Variants in DCBLD2 observed in about 807,000 individuals in gnomAD.
DCBLD2 encodes discoidin, CUB and LCCL domain-containing protein 2.
DCBLD2 carries 54 observed loss-of-function variants against 86.8 expected under a neutral mutation model. The observed-to-expected ratio is 0.62, with a 90% CI of 0.50 to 0.78. DCBLD2 has a LOEUF of 0.78. Ranked by LOEUF, DCBLD2 falls within the 30% of genes least tolerant of loss-of-function variation. The probability of loss-of-function intolerance (pLI) is 0.00; values close to 1 mark genes in which losing one functional copy is unlikely to be tolerated. For synonymous variants in DCBLD2, 354 were observed against 341.3 expected (o/e 1.04, Z -0.41); for missense variants, 908 against 954.2 (o/e 0.95, Z 0.64).
intron 1 of DCBLD2, among the ~76,000 whole-genome samples, chr3:98,898,832 T>C (rs1347469623): frequency 6.6e-6 from 1 of 152,178 alleles, no homozygotes; most frequent in African/African-American, 2.4e-5. Context: ...TCTCAAATAA[T>C]TGTGAGTTTT....
At chr3:98,898,488 G>T (rs1001320212) in intron 1 of DCBLD2, among the ~76,000 whole-genome samples, 1 of 151,090 alleles carries the variant, frequency 6.6e-6, no homozygotes, top group African/African-American at 2.4e-5. Context: ...GACTATATGC[G>T]AATTACAGAA....
chr3:98,874,937 C>T (rs1458939511), intron 2 of DCBLD2, among the ~76,000 whole-genome samples: 2 of 152,086 alleles, frequency 1.3e-5, no homozygotes, highest in East Asian at 1.9e-4. Context: ...TTAAGCCACT[C>T]GGTCTATAGA....
At position 98,822,370 on chromosome 3, in the gene DCBLD2, AG is replaced by A. The variant is rs1942137979; in HGVS notation, c.697-10del. 6.2e-7 allele frequency: 1 copy of A among 1,605,916 alleles called. No individual in the cohort carries two copies. ...ATGCACAATGGCGAGGACTTAAGGA[AG>A]GGAAAAGAAAAGATTCATTTTTAAT... On this transcript the variant is annotated splice_polypyrimidine_tract_variant and intron_variant, in intron 5 of 15. Transcript: ENST00000326840.
intron 3 of DCBLD2, among the ~76,000 whole-genome samples, chr3:98,838,262 C>T (rs1436715839): frequency 3.4e-4 from 34 of 101,040 alleles, no homozygotes; most frequent in African/African-American, 4.3e-4. Context: ...GGGCAGCTGC[C>T]GGGCGGAGGG....
chr3:98,871,546 T>G (rs1216289480), intron 2 of DCBLD2, among the ~76,000 whole-genome samples: 1 of 152,202 alleles, frequency 6.6e-6, no homozygotes, highest in Non-Finnish European at 1.5e-5. Context: ...GATTTTTTTT[T>G]GTTTTTAATT....
At chr3:98,867,835 C>G (rs1337937622) in intron 2 of DCBLD2, among the ~76,000 whole-genome samples, 2 of 151,254 alleles carry the variant, frequency 1.3e-5, no homozygotes, top group African/African-American at 4.9e-5. Flanking sequence ...CGGAGTCTCG[C>G]TCTGTCACCC....
chr3:98,801,897 A>G (rs1235975049), intron 13 of DCBLD2: 3 of 383,580 alleles, frequency 7.8e-6, no homozygotes, highest in Non-Finnish European at 9.5e-6. Context: ...ATCATTTTTT[A>G]TGGCTGCATA....
At chr3:98,853,981 C>T (rs936296416) in intron 2 of DCBLD2, among the ~76,000 whole-genome samples, 1 of 133,040 alleles carries the variant, frequency 7.5e-6, no homozygotes, top group African/African-American at 2.5e-5. Context: ...TATTTACGAA[C>T]AGGTTTTTTT....
chr3:98,825,376 C>T lies in DCBLD2; in HGVS notation c.572-10G>A. 6.6e-7 allele frequency: 1 copy of T among 1,516,112 alleles called. No individual in the cohort carries two copies. Among genetic ancestry groups the T allele is most frequent in the Non-Finnish European group, 8.8e-7 (1 of 1,136,628 alleles). The allele number at this position is 1,516,112 out of a possible 1,614,324, so 93.9% of individuals were successfully genotyped here. ...AAACAAGTAATTAGATCTAGAAAAA[C>T]AAAAATAAAAAACTGATTCCATTAA... On this transcript the variant is annotated splice_polypyrimidine_tract_variant and intron_variant, in intron 3 of 15. Coordinates refer to ENST00000326840, the MANE Select transcript of DCBLD2 (RefSeq NM_080927.4).
At chr3:98,893,719 TA>T (rs1313663987) in intron 1 of DCBLD2, among the ~76,000 whole-genome samples, 1 of 152,078 alleles carries the variant, frequency 6.6e-6, no homozygotes, top group African/African-American at 2.4e-5. Context: ...TTTCCAGATA[TA>T]AAGTAAAAGT....
intron 2 of DCBLD2, among the ~76,000 whole-genome samples, chr3:98,862,446 T>G (rs896013859): frequency 1.3e-5 from 2 of 152,212 alleles, no homozygotes; most frequent in African/African-American, 4.8e-5. Flanking sequence ...ATATCCCTGA[T>G]GAACATCGAT....
chr3:98,822,849 A>G (rs946308800), intron 4 of DCBLD2, 108 bp from the exon 5 acceptor site: 26 of 868,354 alleles, frequency 3.0e-5, no homozygotes, highest in African/African-American at 5.2e-5. Flanking sequence ...GGTGAATACC[A>G]TAATTTCACT....
At chr3:98,887,346 C>CTTAG in intron 1 of DCBLD2, among the ~76,000 whole-genome samples, 1 of 152,034 alleles carries the variant, frequency 6.6e-6, no homozygotes, top group Middle Eastern at 3.4e-3. Context: ...TGTTAACTAA[C>CTTAG]GTATCTGATT....
At chr3:98,813,015 G>A (rs1559770774) in intron 9 of DCBLD2, 1 of 152,180 alleles carries the variant, frequency 6.6e-6, no homozygotes, top group Non-Finnish European at 1.5e-5. Flanking sequence ...CATAAAGACA[G>A]TTCTCCTATT....
chr3:98,807,175 C>T (rs976861732), intron 13 of DCBLD2, among the ~76,000 whole-genome samples: 4 of 152,184 alleles, frequency 2.6e-5, no homozygotes, highest in African/African-American at 4.8e-5. Context: ...TCTCCCACGC[C>T]AAGCGTACAT....
At position 98,846,729 on chromosome 3, in the gene DCBLD2, T is replaced by C. The variant is rs148623631; in HGVS notation, c.571+2732A>G. On this transcript the variant is annotated intron_variant, in intron 3 of 15. Transcript: ENST00000326840. ...TTCATCTAAAATAGAATATAGCCAT[T>C]TGAAATTTGGTACAGGTTTGTAAGC... Among the ~76,000 whole-genome samples, 18 of 152,282 alleles carry C rather than the reference T, an allele frequency of 1.2e-4. No individual in the cohort carries two copies. In the East Asian group the frequency reaches 3.5e-3, roughly 29 times the overall value.
chr3:98,853,615 C>A (rs1942878512), intron 2 of DCBLD2, among the ~76,000 whole-genome samples: 1 of 152,196 alleles, frequency 6.6e-6, no homozygotes, highest in South Asian at 2.1e-4. Flanking sequence ...CTTCTGATGT[C>A]CACATCAACC....
intron 3 of DCBLD2, 82 bp from the exon 4 acceptor site, chr3:98,825,448 AC>A: frequency 9.2e-7 from 1 of 1,083,254 alleles, no homozygotes; most frequent in Non-Finnish European, 1.3e-6. Flanking sequence ...AGAATCCCAA[AC>A]TGTACTACTC....
At chr3:98,865,978 T>C (rs1001889161) in intron 2 of DCBLD2, among the ~76,000 whole-genome samples, 16 of 151,732 alleles carry the variant, frequency 1.1e-4, no homozygotes, top group Admixed American at 9.2e-4. Flanking sequence ...TTTGTCCTTG[T>C]GATAGTTTGC....
Sources: gnomAD v4.1 joint callset for allele counts (sites outside exome capture counted in the v4.1 genomes callset) on GRCh38, gnomAD v4.1.1 for gene constraint, MANE v1.5 for transcripts, NCBI Gene and HGNC (gene_info 2026-07-23, HGNC 2026-07-21) for gene names.